Variants in CSE1L observed in about 807,000 individuals in gnomAD.
CSE1L encodes the protein chromosome segregation 1 like, also known as exportin-2.
In CSE1L, 24 loss-of-function variants were observed where a neutral mutation model predicts 120.4. The ratio of observed to expected loss-of-function variants is 0.20; its 90% CI spans 0.14 to 0.28. CSE1L has a LOEUF of 0.28. CSE1L is among the 10% of genes least tolerant of loss of function. The pLI is 1.00. For synonymous variants in CSE1L, 402 were observed against 398.3 expected, an observed-to-expected ratio of 1.01 and a Z score of -0.11; for missense variants, 830 against 1,145.2, an observed-to-expected ratio of 0.72 and a Z score of 3.97.
chr20:49,096,490 G>A lies in CSE1L; in HGVS notation c.*52G>A, dbSNP rs779308225. ...CAGATGGTTTCCTAGGAAATCACAG[G>A]CTTCTGAGCACAGCTGCATTAAAAC... is the stretch of plus-strand genomic sequence containing the variant. On this transcript the variant is annotated 3_prime_UTR_variant, in exon 25 of 25. Coordinates refer to ENST00000262982, the MANE Select transcript of CSE1L (RefSeq NM_001316.4). 3 of 1,338,680 alleles carry A rather than the reference G, an allele frequency of 2.2e-6. No homozygotes were observed. In the African/African-American group the frequency reaches 4.3e-5, roughly 19 times the overall value. The allele number at this position is 1,338,680 out of a possible 1,614,324, so 82.9% of individuals were successfully genotyped here. A position where few individuals can be genotyped will look rare whatever the true frequency, so the allele number is the denominator to read the frequency against.
chr20:49,076,947 G>T (rs1449594976), intron 12 of CSE1L, 33 bp from the exon 13 acceptor site: 1 of 1,422,774 alleles, frequency 7.0e-7, no homozygotes, highest in African/African-American at 1.4e-5. Context: ...CAGGTATTTT[G>T]TTATTTTACT....
At chr20:49,067,103 A>C in intron 5 of CSE1L, 87 bp from the exon 6 acceptor site, 3 of 611,978 alleles carry the variant, frequency 4.9e-6, no homozygotes, top group Non-Finnish European at 8.6e-6. Context: ...CTATTCATAG[A>C]TGTCCAATCA....
At chr20:49,060,590 A>T (rs2091844911) in intron 2 of CSE1L, among the ~76,000 whole-genome samples, 3 of 152,106 alleles carry the variant, frequency 2.0e-5, no homozygotes. Flanking sequence ...AGCCTGGCCA[A>T]CATGGTGAAA....
intron 1 of CSE1L, among the ~76,000 whole-genome samples, chr20:49,049,279 G>C (rs946105527): frequency 5.4e-5 from 8 of 147,514 alleles, no homozygotes; most frequent in Non-Finnish European, 8.9e-5. Flanking sequence ...GCTGACCTGG[G>C]CTCAGTCTAT....
intron 13 of CSE1L, among the ~76,000 whole-genome samples, chr20:49,077,811 C>G (rs991100951): frequency 1.3e-5 from 2 of 152,114 alleles, no homozygotes; most frequent in African/African-American, 2.4e-5. Context: ...TGAGACCAGC[C>G]TGGTCAAAAT....
chr20:49,058,648 C>G, intron 2 of CSE1L, 100 bp downstream of exon 2: 1 of 854,952 alleles, frequency 1.2e-6, no homozygotes, highest in Non-Finnish European at 1.8e-6. Flanking sequence ...TTAAAAAATT[C>G]ATACTTGGGT....
At chr20:49,047,544 T>TC in intron 1 of CSE1L, among the ~76,000 whole-genome samples, 1 of 148,368 alleles carries the variant, frequency 6.7e-6, no homozygotes, top group Non-Finnish European at 1.5e-5. Flanking sequence ...TGTTTTCTTT[T>TC]TCTTTTTCTT....
rs935786203 is a variant in CSE1L, at chr20:49,072,246, T to C, written c.769-40T>C. 1.9e-6 allele frequency: 3 copies of C among 1,601,930 alleles called. No individual in the cohort carries two copies. The South Asian group carries it at 3.3e-5, about 18-fold the overall frequency. On this transcript the variant is annotated intron_variant, in intron 8 of 24. Transcript: ENST00000262982. Reference sequence around the variant, plus strand: ...TTACTCCTCTTACTTATGTTAGCATTAGAGTTGTATGTTGGAGTTTTTGTT... The same window carrying C: ...TTACTCCTCTTACTTATGTTAGCATCAGAGTTGTATGTTGGAGTTTTTGTT...
chr20:49,076,720 G>C (rs1360163420), intron 12 of CSE1L, among the ~76,000 whole-genome samples: 1 of 151,028 alleles, frequency 6.6e-6, no homozygotes, highest in Non-Finnish European at 1.5e-5. Flanking sequence ...TAGTAGAGAC[G>C]GGGTTTTGCC....
At chr20:49,047,552 C>CTTTTTTTTTTTTTTTT (rs1230411564) in intron 1 of CSE1L, among the ~76,000 whole-genome samples, 1 of 89,802 alleles carries the variant, frequency 1.1e-5, no homozygotes, top group African/African-American at 4.6e-5. Flanking sequence ...TTTTCTTTTT[C>CTTTTTTTTTTTTTTTT]TTTTCTCTTT....
chr20:49,052,095 C>T (rs1202058050), intron 1 of CSE1L, among the ~76,000 whole-genome samples: 1 of 152,214 alleles, frequency 6.6e-6, no homozygotes, highest in African/African-American at 2.4e-5. Flanking sequence ...ATTCATGCAA[C>T]TGAGTTCCCA....
intron 2 of CSE1L, among the ~76,000 whole-genome samples, chr20:49,059,844 C>A (rs1017819003): frequency 6.6e-6 from 1 of 151,846 alleles, no homozygotes; most frequent in Non-Finnish European, 1.5e-5. Flanking sequence ...TGCGCCACTG[C>A]ACTCCAGCCT....
chr20:49,050,084 A>G (rs2091754155), intron 1 of CSE1L, among the ~76,000 whole-genome samples: 1 of 152,186 alleles, frequency 6.6e-6, no homozygotes, highest in Non-Finnish European at 1.5e-5. Flanking sequence ...TTGAGGGATT[A>G]TAACATGCAT....
rs1454087364 is a variant in CSE1L, at chr20:49,094,263, G to C, written c.2571G>C (p.Met857Ile). The C allele has an allele frequency of 6.2e-7, 1 of 1,612,646 alleles. No individual in the cohort carries two copies. The highest frequency in any genetic ancestry group is 1.3e-5 in the African/African-American group (1 of 74,812). ...TACTAACAGAATGTCCCCCAATGAT[G>C]GACACTGAGTATACCAAACTGTGGT... ...TKLLTECPPM[M>I]DTEYTKLWTP... Residue 857 changes from methionine to isoleucine, a missense_variant, in exon 23 of 25, where the codon ATG (methionine) becomes ATC (isoleucine). Physicochemically the swap from Met to Ile is conservative, Grantham distance 10. Transcript: ENST00000262982.
chr20:49,046,785 C>T (rs2091715169), intron 1 of CSE1L, among the ~76,000 whole-genome samples: 1 of 152,256 alleles, frequency 6.6e-6, no homozygotes. Flanking sequence ...AAGGCCGCTC[C>T]TTATTGGTCG....
At chr20:49,083,605 T>A (rs1429607425) in intron 14 of CSE1L, among the ~76,000 whole-genome samples, 4 of 152,180 alleles carry the variant, frequency 2.6e-5, no homozygotes, top group Non-Finnish European at 5.9e-5. Context: ...GTTTCAAATT[T>A]AGAGGTTTTT....
chr20:49,077,059 C>A lies in CSE1L; in HGVS notation c.1415C>A (p.Ala472Asp). ...CACATCCTCCCTGATTTAAAATCAG[C>A]TAATGGTGAGTTGTGAAATTCTTGC... Reference protein sequence around the residue: ...VNHILPDLKSANVNEFPVLKA... With the variant: ...VNHILPDLKSDNVNEFPVLKA... The change falls in exon 13 of 25, where the codon GCT becomes GAT. Residue 472 changes from alanine (A) to aspartate (D), a missense_variant. Physicochemically the swap from Ala to Asp is moderately radical, Grantham distance 126. Around this residue, in one of 4 missense-constraint regions of CSE1L, gnomAD observed 543 missense variants for 640.2 expected, o/e 0.85. Coordinates refer to ENST00000262982, the MANE Select transcript of CSE1L (RefSeq NM_001316.4). The A allele has an allele frequency of 3.1e-6, 5 of 1,601,152 alleles. No homozygotes were observed. The highest frequency in any genetic ancestry group is 4.3e-6 in the Non-Finnish European group (5 of 1,173,378).
intron 8 of CSE1L, among the ~76,000 whole-genome samples, 161 bp from the exon 9 acceptor site, chr20:49,072,125 G>A (rs892900894): frequency 2.6e-5 from 4 of 152,218 alleles, no homozygotes; most frequent in Non-Finnish European, 5.9e-5. Context: ...TTATTTGAAA[G>A]ACTTGGTGAA....
intron 22 of CSE1L, 44 bp from the exon 23 acceptor site, chr20:49,094,096 A>T (rs2092122270): frequency 2.5e-6 from 3 of 1,194,696 alleles, no homozygotes; most frequent in Non-Finnish European, 3.6e-6. Flanking sequence ...CTATTTCATT[A>T]TAGTGATAAT....
Sources: allele counts gnomAD v4.1 joint callset (sites outside exome capture counted in the v4.1 genomes callset), GRCh38; gene constraint gnomAD v4.1.1; regional missense constraint gnomAD v4.1.1; transcripts MANE v1.5; gene names NCBI Gene and HGNC (gene_info 2026-07-23, HGNC 2026-07-21).